Variants in CDH13 observed in about 807,000 individuals in gnomAD.
CDH13 encodes the protein cadherin 13, also known as cadherin-13.
A neutral mutation model predicts 63.8 loss-of-function variants in CDH13; 24 were observed. That is an observed-to-expected ratio of 0.38 (90% CI 0.27 to 0.53). The LOEUF is 0.53. Ranked by LOEUF, CDH13 falls within the 20% of genes least tolerant of loss-of-function variation. CDH13 has a pLI of 0.85. For missense variants in CDH13, 1,049 were observed against 903.1 expected, an observed-to-expected ratio of 1.16 and a Z score of -2.07; for synonymous variants, 503 against 355.3, an observed-to-expected ratio of 1.42 and a Z score of -4.67.
intron 1 of CDH13, among the ~76,000 whole-genome samples, chr16:82,632,547 C>A (rs893972698): frequency 6.6e-6 from 1 of 152,102 alleles, no homozygotes; most frequent in African/African-American, 2.4e-5. Context: ...CCCTGGCACA[C>A]CAGTGTGTTG....
intron 10 of CDH13, among the ~76,000 whole-genome samples, chr16:83,693,890 C>T (rs181561239): frequency 2.6e-5 from 4 of 152,196 alleles, no homozygotes; most frequent in Non-Finnish European, 4.4e-5. Context: ...TGTAGATACT[C>T]TGTCACCCAA....
chr16:83,114,325 C>A (rs2035198921), intron 3 of CDH13, among the ~76,000 whole-genome samples: 1 of 152,156 alleles, frequency 6.6e-6, no homozygotes, highest in South Asian at 2.1e-4. Context: ...GAAAAGGATG[C>A]ATGCATGAAG....
intron 2 of CDH13, chr16:82,953,507 G>A (rs532471083): frequency 2.0e-5 from 3 of 152,294 alleles, no homozygotes; most frequent in Middle Eastern, 6.8e-3. Context: ...AAAACATCAA[G>A]ATGTTTTGCT....
chr16:83,335,116 TAAAC>T (rs1169451531), intron 5 of CDH13, among the ~76,000 whole-genome samples: 2 of 152,190 alleles, frequency 1.3e-5, no homozygotes, highest in African/African-American at 4.8e-5. Flanking sequence ...CTGTTATAAA[TAAAC>T]AATATAGTAT....
Position 82,819,178 on chromosome 16 carries a change from A to G in CDH13, c.46-39184A>G, listed in dbSNP as rs77084406. Among the ~76,000 whole-genome samples, 277 of 152,336 alleles carry G rather than the reference A, an allele frequency of 1.8e-3. 4 individuals are homozygous for G. In the East Asian group the frequency reaches 0.03, roughly 16 times the overall value. ...TTTATTGCCACAAAGTAATCTTCTG[A>G]TTGCTAGGTGAGTAATCCTGTAGTT... On this transcript the variant is annotated intron_variant, in intron 1 of 13. Transcript: ENST00000567109.
intron 2 of CDH13, among the ~76,000 whole-genome samples, chr16:82,971,691 C>G (rs1597329463): frequency 6.6e-6 from 1 of 152,166 alleles, no homozygotes; most frequent in African/African-American, 2.4e-5. Context: ...TGGTTTCTTT[C>G]TAGTCGTAGT....
chr16:82,750,898 A>T (rs1339860055), intron 1 of CDH13, among the ~76,000 whole-genome samples: 1 of 152,212 alleles, frequency 6.6e-6, no homozygotes, highest in Non-Finnish European at 1.5e-5. Context: ...CTGGTCACTT[A>T]AAACAAGTGT....
At chr16:83,393,120 G>C (rs2091820211) in intron 6 of CDH13, among the ~76,000 whole-genome samples, 1 of 152,168 alleles carries the variant, frequency 6.6e-6, no homozygotes, top group African/African-American at 2.4e-5. Flanking sequence ...CCAATATCTA[G>C]ATAAAGTGTC....
chr16:82,835,943 C>G (rs1407191864), intron 1 of CDH13, among the ~76,000 whole-genome samples: 2 of 152,132 alleles, frequency 1.3e-5, no homozygotes, highest in Non-Finnish European at 2.9e-5. Flanking sequence ...CTTGAGGCTC[C>G]TCAAGTAGCA....
intron 1 of CDH13, among the ~76,000 whole-genome samples, chr16:82,839,295 G>C (rs2038909038): frequency 6.6e-6 from 1 of 152,200 alleles, no homozygotes; most frequent in Non-Finnish European, 1.5e-5. Flanking sequence ...TTAGATGTGG[G>C]AAAGGTGCCC....
chr16:83,029,441 TCA>T (rs1916106691), intron 2 of CDH13, among the ~76,000 whole-genome samples: 1 of 152,122 alleles, frequency 6.6e-6, no homozygotes, highest in Non-Finnish European at 1.5e-5. Context: ...ATAAAGAGAC[TCA>T]ATACAGCCAC....
At chr16:83,430,187 G>C (rs931453773) in intron 6 of CDH13, among the ~76,000 whole-genome samples, 6 of 152,174 alleles carry the variant, frequency 3.9e-5, no homozygotes, top group Admixed American at 1.3e-4. Flanking sequence ...CACCACAGCA[G>C]TACTCACAAC....
chr16:83,191,595 G>A (rs1224628105), intron 4 of CDH13, among the ~76,000 whole-genome samples: 1 of 140,354 alleles, frequency 7.1e-6, no homozygotes, highest in Non-Finnish European at 1.5e-5. Flanking sequence ...TTATTAAATA[G>A]TATCAACTCA....
Position 83,316,391 on chromosome 16 carries a change from C to G in CDH13, c.637-28471C>G, listed in dbSNP as rs561200151. ...CTAGTTTGAACTATTTCATATGTGTCACGAGCCTGGATTTCCAGCATCATA... is the reference window on the plus strand; with the variant it reads ...CTAGTTTGAACTATTTCATATGTGTGACGAGCCTGGATTTCCAGCATCATA... On this transcript the variant is annotated intron_variant, in intron 5 of 13. Coordinates refer to ENST00000567109, the MANE Select transcript of CDH13 (RefSeq NM_001257.5). 1.6e-3 allele frequency among the ~76,000 whole-genome samples: 240 copies of G among 152,256 alleles called. 1 individual carries two copies. Among genetic ancestry groups the G allele is most frequent in the Non-Finnish European group, 6.0e-4 (41 of 68,018 alleles).
chr16:82,932,289 G>A (rs1349362107), intron 2 of CDH13, among the ~76,000 whole-genome samples: 1 of 152,058 alleles, frequency 6.6e-6, no homozygotes, highest in East Asian at 1.9e-4. Context: ...ATGTAGCTGG[G>A]CACCTTATTA....
intron 2 of CDH13, among the ~76,000 whole-genome samples, chr16:82,931,188 T>C (rs2042478408): frequency 6.6e-6 from 1 of 152,202 alleles, no homozygotes; most frequent in Non-Finnish European, 1.5e-5. Flanking sequence ...TTTCCCTCTC[T>C]CGTGTCAAAA....
Position 83,053,820 on chromosome 16 carries a change from C to A in CDH13, c.366+21602C>A, listed in dbSNP as rs530365519. 5.9e-5 allele frequency among the ~76,000 whole-genome samples: 9 copies of A among 152,194 alleles called. No individual in the cohort carries two copies. In the South Asian group the frequency reaches 1.9e-3, roughly 32 times the overall value. On this transcript the variant is annotated intron_variant, in intron 3 of 13. Coordinates refer to ENST00000567109, the MANE Select transcript of CDH13 (RefSeq NM_001257.5). ...ATCCAGTAACATATACAGCAGCCCC[C>A]CTTATCTATGGGAAACACATTTCGA...
chr16:83,165,474 A>C lies in CDH13; in HGVS notation c.483+39973A>C, dbSNP rs140875242. ...TATTAACATCTACTGAAAGGCACTC[A>C]GCATTTGAGGGAGGGGACTAGCAGG... On this transcript the variant is annotated intron_variant, in intron 4 of 13. Coordinates refer to ENST00000567109, the MANE Select transcript of CDH13 (RefSeq NM_001257.5). Among the ~76,000 whole-genome samples the C allele has an allele frequency of 8.8e-3, 1,340 of 152,212 alleles. 16 individuals carry two copies. The highest frequency in any genetic ancestry group is 0.041 in the Middle Eastern group (12 of 294).
intron 5 of CDH13, among the ~76,000 whole-genome samples, chr16:83,309,237 C>G (rs887958016): frequency 6.6e-6 from 1 of 152,170 alleles, no homozygotes; most frequent in Non-Finnish European, 1.5e-5. Flanking sequence ...TTTGCAATGA[C>G]TAAGGTGGAA....
Sources: allele counts gnomAD v4.1 joint callset (sites outside exome capture counted in the v4.1 genomes callset), GRCh38; gene constraint gnomAD v4.1.1; transcripts MANE v1.5; gene names NCBI Gene and HGNC (gene_info 2026-07-23, HGNC 2026-07-21).